The following UBR3 variants were observed in gnomAD, a reference collection of about 807,000 sequenced individuals.
The protein encoded by UBR3 is ubiquitin protein ligase E3 component n-recognin 3, also known as E3 ubiquitin-protein ligase UBR3.
UBR3 carries 85 observed loss-of-function variants against 243.2 expected under a neutral mutation model. The observed-to-expected ratio is 0.35, with a 90% CI of 0.29 to 0.42. UBR3 has a LOEUF of 0.42. Ranked by LOEUF, UBR3 falls within the 10% of genes least tolerant of loss-of-function variation. The pLI is 1.00. For missense variants in UBR3, 1,686 were observed against 2,300.8 expected (o/e 0.73, Z 5.47); for synonymous variants, 748 against 799.8 (o/e 0.94, Z 1.09).
At chr2:169,920,532 C>T (rs1255328227) in intron 11 of UBR3, among the ~76,000 whole-genome samples, 1 of 152,038 alleles carries the variant, frequency 6.6e-6, no homozygotes, top group Non-Finnish European at 1.5e-5. Context: ...GCACCTGGAC[C>T]TCAGGGATGG....
intron 5 of UBR3, among the ~76,000 whole-genome samples, chr2:169,886,354 C>T (rs1465598905): frequency 6.6e-6 from 1 of 152,014 alleles, no homozygotes; most frequent in Admixed American, 6.5e-5. Context: ...GTTGGTAAGC[C>T]TCTCCATAAA....
chr2:169,951,998 G>A (rs926197733), intron 23 of UBR3, among the ~76,000 whole-genome samples: 1 of 152,128 alleles, frequency 6.6e-6, no homozygotes, highest in African/African-American at 2.4e-5. Flanking sequence ...ACGCTACTAA[G>A]TTTAAGAGGG....
chr2:170,053,873 A>G (rs1301093623), intron 32 of UBR3, among the ~76,000 whole-genome samples: 3 of 152,216 alleles, frequency 2.0e-5, no homozygotes, highest in African/African-American at 4.8e-5. Flanking sequence ...AATGATCTAT[A>G]TGGATTCAAG....
intron 1 of UBR3, among the ~76,000 whole-genome samples, chr2:169,845,929 A>G (rs1440113661): frequency 1.3e-5 from 2 of 152,176 alleles, no homozygotes; most frequent in Non-Finnish European, 2.9e-5. Context: ...GCATACTTAT[A>G]TGATGTCAAT....
intron 5 of UBR3, among the ~76,000 whole-genome samples, chr2:169,885,826 TGAA>T (rs1217832869): frequency 6.6e-6 from 1 of 151,940 alleles, no homozygotes; most frequent in East Asian, 1.9e-4. Context: ...GTAGGACAGT[TGAA>T]ATAAAAAATC....
At chr2:169,897,714 T>A (rs377390599) in intron 8 of UBR3, among the ~76,000 whole-genome samples, 2 of 152,126 alleles carry the variant, frequency 1.3e-5, no homozygotes, top group South Asian at 2.1e-4. Context: ...GTGCCCAGGC[T>A]AGTCTTGAAC....
chr2:169,832,670 C>G (rs1245369581), intron 1 of UBR3, among the ~76,000 whole-genome samples: 1 of 151,886 alleles, frequency 6.6e-6, no homozygotes, highest in Admixed American at 6.6e-5. Flanking sequence ...CGTGGTGGCT[C>G]ACACCTGTAA....
Position 169,946,466 on chromosome 2 carries a change from A to G in UBR3, c.2910+74A>G, listed in dbSNP as rs577390069. ...GGCTCCAACCAATTGTTGCCAAACCAGGCATGTTATACTTTTCCTAGTTAT... is the reference window on the plus strand; with the variant it reads ...GGCTCCAACCAATTGTTGCCAAACCGGGCATGTTATACTTTTCCTAGTTAT... On this transcript the variant is annotated intron_variant, in intron 21 of 38. Coordinates refer to ENST00000272793, the MANE Select transcript of UBR3 (RefSeq NM_172070.4). The G allele has an allele frequency of 6.7e-5, 47 of 702,048 alleles. 1 individual carries two copies. Among genetic ancestry groups the G allele is most frequent in the Admixed American group, 1.0e-4 (3 of 29,380 alleles). 43.5% of individuals were successfully genotyped at this position (702,048 alleles called of 1,614,324 possible). A position where few individuals can be genotyped will look rare whatever the true frequency, so the allele number is the denominator to read the frequency against.
rs1259788695 is a variant in UBR3 at position 170,083,506 on chromosome 2, T to C, written c.*1663T>C. Reference sequence around the variant, plus strand: ...AGTTCAGCCTGTCATACTTTTTGCATTGATCGTTATGAATACCAGACCATT... The same window carrying C: ...AGTTCAGCCTGTCATACTTTTTGCACTGATCGTTATGAATACCAGACCATT... On this transcript the variant is annotated 3_prime_UTR_variant, in exon 39 of 39. Coordinates refer to ENST00000272793, the MANE Select transcript of UBR3 (RefSeq NM_172070.4). 2.6e-5 allele frequency: 4 copies of C among 152,652 alleles called. No homozygotes were observed. Among genetic ancestry groups the C allele is most frequent in the Admixed American group, 6.5e-5 (1 of 15,282 alleles). 9.5% of individuals were successfully genotyped at this position (152,652 alleles called of 1,614,324 possible).
intron 2 of UBR3, among the ~76,000 whole-genome samples, chr2:169,875,208 A>G (rs780536536): frequency 1.3e-5 from 2 of 152,158 alleles, no homozygotes; most frequent in Non-Finnish European, 2.9e-5. Flanking sequence ...TATTTGAATT[A>G]TATCTTGTTT....
intron 21 of UBR3, 64 bp downstream of exon 21, chr2:169,946,456 T>G: frequency 1.2e-6 from 1 of 808,372 alleles, no homozygotes; most frequent in Non-Finnish European, 1.9e-6. Context: ...CAACCAATTG[T>G]TGCCAAACCA....
intron 24 of UBR3, among the ~76,000 whole-genome samples, chr2:169,969,548 CTTTT>C (rs199918460): frequency 7.5e-6 from 1 of 134,180 alleles, no homozygotes; most frequent in Non-Finnish European, 1.6e-5. Flanking sequence ...CCATTTGTGT[CTTTT>C]TTTTTTTTTT....
At chr2:170,000,882 G>A (rs956165983) in intron 26 of UBR3, among the ~76,000 whole-genome samples, 7 of 152,136 alleles carry the variant, frequency 4.6e-5, no homozygotes, top group South Asian at 4.2e-4. Flanking sequence ...AGGCAGGAAC[G>A]AAACCGAGAG....
At chr2:169,933,206 G>C (rs2086203874) in intron 19 of UBR3, among the ~76,000 whole-genome samples, 198 bp downstream of exon 19, 1 of 152,160 alleles carries the variant, frequency 6.6e-6, no homozygotes, top group Non-Finnish European at 1.5e-5. Context: ...ATGTTAATCT[G>C]ATAAATTTAG....
chr2:170,032,103 ATT>A (rs1237374510), intron 31 of UBR3, among the ~76,000 whole-genome samples: 5 of 152,122 alleles, frequency 3.3e-5, no homozygotes, highest in African/African-American at 1.2e-4. Context: ...TTTCTGATAA[ATT>A]TGGAAAAAAA....
At chr2:169,857,067 T>TTG (rs1341607975) in intron 1 of UBR3, among the ~76,000 whole-genome samples, 2,603 of 68,908 alleles carry the variant, frequency 0.038, 422 homozygotes, top group Non-Finnish European at 0.044. Context: ...TTATTATGTT[T>TTG]TTTTTTTTTT....
At chr2:170,074,578 T>C (rs1419725330) in intron 36 of UBR3, among the ~76,000 whole-genome samples, 1 of 152,178 alleles carries the variant, frequency 6.6e-6, no homozygotes, top group Non-Finnish European at 1.5e-5. Context: ...ATGCTATACA[T>C]TTTTAAACTT....
At chr2:169,831,107 TTATATATA>T (rs749609873) in intron 1 of UBR3, among the ~76,000 whole-genome samples, 1 of 28,738 alleles carries the variant, frequency 3.5e-5, no homozygotes, top group Admixed American at 5.9e-4. Context: ...AGTTGGTACA[TTATATATA>T]TATATATATA....
chr2:169,881,636 G>A (rs1251922513), intron 5 of UBR3, among the ~76,000 whole-genome samples: 1 of 137,428 alleles, frequency 7.3e-6, no homozygotes, highest in African/African-American at 2.7e-5. Flanking sequence ...TTGAGATAGG[G>A]TCTTGCTCTC....
Sources: gnomAD v4.1 joint callset for allele counts (sites outside exome capture counted in the v4.1 genomes callset) on GRCh38, gnomAD v4.1.1 for gene constraint, MANE v1.5 for transcripts, NCBI Gene and HGNC (gene_info 2026-07-23, HGNC 2026-07-21) for gene names.